HMBOX1: variants seen among roughly 807,000 people sequenced by gnomAD.
HMBOX1 encodes the protein homeobox-containing protein 1.
HMBOX1 carries 14 observed loss-of-function variants against 54.5 expected under a neutral mutation model. That is an observed-to-expected ratio of 0.26 (90% confidence interval 0.17 to 0.40). The LOEUF (loss-of-function observed/expected upper bound fraction) is 0.40. Among genes scored for constraint, HMBOX1 ranks in the 10% least tolerant of loss-of-function variants. The probability of loss-of-function intolerance (pLI) is 1.00; values close to 1 mark genes in which losing one functional copy is unlikely to be tolerated. For missense variants in HMBOX1, 332 were observed against 514.4 expected (o/e 0.65, Z 3.43); for synonymous variants, 160 against 181.0 (o/e 0.88, Z 0.93).
In HMBOX1 at chr8:28,899,790, C is replaced by T. The variant is rs184565758; in HGVS notation, c.-58+9112C>T. ...GGGCCAAGATTTTTAGAAATAAGTA[C>T]AAGTCAAGGATAGGCAACTAAGGAA... On this transcript the variant is annotated intron_variant, in intron 1 of 9. Coordinates refer to ENST00000287701, the MANE Select transcript of HMBOX1 (RefSeq NM_001135726.3). Among the ~76,000 whole-genome samples, 9 of 152,128 alleles carry T rather than the reference C, an allele frequency of 5.9e-5. No individual in the cohort carries two copies. In the East Asian group the frequency reaches 1.5e-3, roughly 26 times the overall value.
chr8:28,912,124 T>G (rs142433366), intron 1 of HMBOX1, among the ~76,000 whole-genome samples: 187 of 152,322 alleles, frequency 1.2e-3, no homozygotes, highest in Non-Finnish European at 8.5e-4. Flanking sequence ...AAGCACATTT[T>G]GATTAGGCTA....
chr8:29,019,793 A>G (rs922180138), intron 6 of HMBOX1, among the ~76,000 whole-genome samples: 5 of 152,198 alleles, frequency 3.3e-5, no homozygotes, highest in Admixed American at 6.5e-5. Context: ...GACTTTTGCC[A>G]TCTCTCATCC....
intron 4 of HMBOX1, among the ~76,000 whole-genome samples, chr8:28,981,291 G>A (rs1015471127): frequency 2.6e-5 from 4 of 152,064 alleles, no homozygotes; most frequent in African/African-American, 4.8e-5. Flanking sequence ...AAATACTTTA[G>A]TTAAAGGTGT....
chr8:28,966,090 C>T (rs184192991), intron 2 of HMBOX1, among the ~76,000 whole-genome samples: 10 of 152,170 alleles, frequency 6.6e-5, no homozygotes, highest in Admixed American at 5.9e-4. Flanking sequence ...CTTTTTACCT[C>T]TGTGATTTCA....
rs1806401301 is a variant in HMBOX1, at chr8:29,051,290, C to T, written c.*135C>T. On this transcript the variant is annotated 3_prime_UTR_variant, in exon 10 of 10. Transcript: ENST00000287701. ...GTCAGGTAGCTGTTAGGGTCTTGTT[C>T]TGTGAAGATGGCATGGTGCCCTCAG... 27 of 915,386 alleles carry T rather than the reference C, an allele frequency of 2.9e-5. No individual in the cohort carries two copies. The South Asian group carries it at 3.9e-4, about 13-fold the overall frequency. The allele number at this position is 915,386 out of a possible 1,614,324, so 56.7% of individuals were successfully genotyped here.
intron 1 of HMBOX1, among the ~76,000 whole-genome samples, chr8:28,938,675 T>A (rs369168104): frequency 2.4e-4 from 36 of 151,822 alleles, no homozygotes; most frequent in African/African-American, 8.2e-4. Context: ...CTTGAACTCC[T>A]GGCCTCAAGT....
intron 1 of HMBOX1, among the ~76,000 whole-genome samples, chr8:28,919,745 A>C (rs1371273996): frequency 6.6e-6 from 1 of 152,224 alleles, no homozygotes; most frequent in African/African-American, 2.4e-5. Context: ...TCTTTTGGCA[A>C]AATCCATTTC....
intron 6 of HMBOX1, among the ~76,000 whole-genome samples, chr8:29,037,062 C>T (rs77261575): frequency 0.1 from 15,411 of 152,202 alleles, 993 homozygotes; most frequent in Middle Eastern, 0.16. Flanking sequence ...TCTCTTTTCA[C>T]GGGCTATTCT....
At position 28,986,367 on chromosome 8, in the gene HMBOX1, A is replaced by G. The variant is rs181475992; in HGVS notation, c.586+6211A>G. Among the ~76,000 whole-genome samples the G allele has an allele frequency of 3.9e-5, 6 of 152,386 alleles. No individual in the cohort carries two copies. The East Asian group carries it at 9.6e-4, about 24-fold the overall frequency. Reference sequence around the variant, plus strand: ...TTTGGCAATTATGAATAAAGCTGCTATAAACAAGTGGAATTTCTATCTATA... The same window carrying G: ...TTTGGCAATTATGAATAAAGCTGCTGTAAACAAGTGGAATTTCTATCTATA... On this transcript the variant is annotated intron_variant, in intron 4 of 9. Transcript: ENST00000287701.
intron 6 of HMBOX1, among the ~76,000 whole-genome samples, chr8:29,031,817 T>C (rs1196721459): frequency 2.0e-5 from 3 of 151,990 alleles, no homozygotes. Flanking sequence ...AGGAGTCAGG[T>C]TAAAAATGTC....
At chr8:28,914,545 C>T (rs1161158140) in intron 1 of HMBOX1, among the ~76,000 whole-genome samples, 1 of 152,198 alleles carries the variant, frequency 6.6e-6, no homozygotes, top group Non-Finnish European at 1.5e-5. Flanking sequence ...CACGCCTTCA[C>T]TTGTCTTGAT....
Position 29,026,043 on chromosome 8 carries a change from TACACACAC to T in HMBOX1, c.851+7162_851+7169del, listed in dbSNP as rs35597688. Among the ~76,000 whole-genome samples the T allele has an allele frequency of 7.9e-3, 1,140 of 143,454 alleles. 9 individuals carry two copies. The highest frequency in any genetic ancestry group is 0.017 in the African/African-American group (652 of 38,656). The allele number at this position is 143,454 out of a possible 152,430, so 94.1% of individuals were successfully genotyped here. Reference sequence around the variant, plus strand: ...CACAAACTACCTACTTGCTACCATGTACACACACACACACACACACACACACACACACA... The same window carrying T: ...CACAAACTACCTACTTGCTACCATGTACACACACACACACACACACACACA... On this transcript the variant is annotated intron_variant, in intron 6 of 9. Transcript: ENST00000287701.
rs759263485 is a variant in HMBOX1, at chr8:29,051,558, T to C, written c.*403T>C. ...CTCCCTTTTCCTTCCCCAAGACTGA[T>C]AGGATGCAAGCTGAGGTCGTGGCAC... is the stretch of plus-strand genomic sequence containing the variant. On this transcript the variant is annotated 3_prime_UTR_variant, in exon 10 of 10. Transcript: ENST00000287701. 5 of 702,784 alleles carry C rather than the reference T, an allele frequency of 7.1e-6. No individual in the cohort carries two copies. The highest frequency in any genetic ancestry group is 4.4e-5 in the South Asian group (3 of 67,600). 43.5% of individuals were successfully genotyped at this position (702,784 alleles called of 1,614,324 possible).
At chr8:29,033,101 A>G (rs1803267899) in intron 6 of HMBOX1, among the ~76,000 whole-genome samples, 1 of 152,114 alleles carries the variant, frequency 6.6e-6, no homozygotes. Context: ...GTCCTGGCCT[A>G]TAATGAATGA....
intron 6 of HMBOX1, 107 bp from the exon 7 acceptor site, chr8:29,045,254 C>CA: frequency 1.2e-6 from 1 of 837,750 alleles, no homozygotes; most frequent in East Asian, 2.5e-5. Context: ...TGGACCTAGA[C>CA]ACTTGAGTGT....
At chr8:28,901,667 T>G (rs1018174396) in intron 1 of HMBOX1, among the ~76,000 whole-genome samples, 37 of 152,344 alleles carry the variant, frequency 2.4e-4, no homozygotes, top group African/African-American at 8.4e-4. Flanking sequence ...TCAAGTCATT[T>G]AAGAGGTTAC....
At chr8:28,989,039 G>A (rs1218301164) in intron 4 of HMBOX1, among the ~76,000 whole-genome samples, 5 of 152,096 alleles carry the variant, frequency 3.3e-5, no homozygotes, top group East Asian at 1.9e-4. Context: ...TTGGGAGGCC[G>A]AGGCGGGCGA....
chr8:28,998,980 TTATA>T (rs1179440105), intron 4 of HMBOX1, among the ~76,000 whole-genome samples: 1 of 152,120 alleles, frequency 6.6e-6, no homozygotes, highest in Non-Finnish European at 1.5e-5. Context: ...AATTATTGCA[TTATA>T]TAGTTTTCTT....
At chr8:28,891,569 T>A (rs2131454284) in intron 1 of HMBOX1, 1 of 152,370 alleles carries the variant, frequency 6.6e-6, no homozygotes, top group Middle Eastern at 3.1e-3. Flanking sequence ...TCGGGAGTGC[T>A]GGATTGTGTA....
Sources: allele counts gnomAD v4.1 joint callset (sites outside exome capture counted in the v4.1 genomes callset), GRCh38; gene constraint gnomAD v4.1.1; transcripts MANE v1.5; gene names NCBI Gene and HGNC (gene_info 2026-07-23, HGNC 2026-07-21).